SF3A3: variants seen among roughly 807,000 people sequenced by gnomAD.
SF3A3 encodes splicing factor 3a subunit 3.
SF3A3 carries 9 observed loss-of-function variants against 85.8 expected under a neutral mutation model. The observed-to-expected ratio is 0.10, with a 90% CI of 0.06 to 0.18. The LOEUF (loss-of-function observed/expected upper bound fraction) is 0.18, where lower values mean the gene tolerates loss of function less well. SF3A3 is among the 10% of genes least tolerant of loss of function. SF3A3 has a pLI of 1.00. For missense variants in SF3A3, 306 were observed against 593.3 expected (o/e 0.52, Z 5.03); for synonymous variants, 195 against 204.4 (o/e 0.95, Z 0.39).
intron 4 of SF3A3, 36 bp from the exon 5 acceptor site, chr1:37,984,815 T>C (rs1570470156): frequency 1.3e-6 from 2 of 1,574,854 alleles, no homozygotes; most frequent in Non-Finnish European, 1.7e-6. Context: ...TGGATTTTTC[T>C]TTTTGCTTTT....
At chr1:37,959,241 G>A (rs898654283) in intron 16 of SF3A3, among the ~76,000 whole-genome samples, 10 of 151,804 alleles carry the variant, frequency 6.6e-5, no homozygotes, top group African/African-American at 2.2e-4. Context: ...ACCACTCCCC[G>A]CTAATTATTG....
chr1:37,967,674 TCA>T (rs1646311872), intron 15 of SF3A3, among the ~76,000 whole-genome samples: 3 of 45,286 alleles, frequency 6.6e-5, no homozygotes, highest in Non-Finnish European at 3.8e-5. Flanking sequence ...TGAGACTCCG[TCA>T]CAAAAAAAAA....
chr1:37,989,397 C>T (rs1646478778), intron 2 of SF3A3, 151 bp downstream of exon 2: 1 of 675,704 alleles, frequency 1.5e-6, no homozygotes, highest in Non-Finnish European at 2.4e-6. Flanking sequence ...TCACGTTCGG[C>T]AGCCTGTGGA....
At chr1:37,973,854 G>A (rs1646360215) in intron 12 of SF3A3, among the ~76,000 whole-genome samples, 1 of 152,154 alleles carries the variant, frequency 6.6e-6, no homozygotes. Flanking sequence ...ATAATAGACT[G>A]GATTAAGAAA....
At chr1:37,988,871 GTGTGTGTGTA>G (rs1015611351) in intron 2 of SF3A3, among the ~76,000 whole-genome samples, 12 of 149,110 alleles carry the variant, frequency 8.0e-5, no homozygotes, top group African/African-American at 3.0e-4. Flanking sequence ...GTGTGTGTGT[GTGTGTGTGTA>G]TATATATATA....
chr1:37,986,027 C>A (rs1019804109), intron 4 of SF3A3, among the ~76,000 whole-genome samples: 1 of 146,042 alleles, frequency 6.8e-6, no homozygotes, highest in Admixed American at 7.2e-5. Context: ...CAGCTCACTG[C>A]AACCTCCATG....
chr1:37,975,619 T>C (rs1454330762), intron 12 of SF3A3, among the ~76,000 whole-genome samples: 1 of 152,086 alleles, frequency 6.6e-6, no homozygotes, highest in East Asian at 1.9e-4. Flanking sequence ...CTGTCCACAC[T>C]AGCACAGCCC....
rs148689440 is a variant in SF3A3 at position 37,978,891 on chromosome 1, C to T, written c.828-64G>A. On this transcript the variant is annotated intron_variant, in intron 10 of 16. Coordinates refer to ENST00000373019, the MANE Select transcript of SF3A3 (RefSeq NM_006802.4). Reference sequence around the variant, plus strand: ...TACCACACAGGCTGGCTTATTTTTGCAGTGTGGAGCAACAAAAAAAATGGA... The same window carrying T: ...TACCACACAGGCTGGCTTATTTTTGTAGTGTGGAGCAACAAAAAAAATGGA... 1.0e-2 allele frequency: 15,445 copies of T among 1,546,882 alleles called. 98 individuals are homozygous for T. The highest frequency in any genetic ancestry group is 0.012 in the Non-Finnish European group (13,495 of 1,122,460).
chr1:37,973,850 G>C (rs551256832), intron 12 of SF3A3, among the ~76,000 whole-genome samples: 1 of 152,278 alleles, frequency 6.6e-6, no homozygotes, highest in African/African-American at 2.4e-5. Flanking sequence ...ATCAATAATA[G>C]ACTGGATTAA....
rs1316029465 is a variant in SF3A3, at chr1:37,957,853, G to C, written c.*333C>G. 4.2e-6 allele frequency: 1 copy of C among 240,164 alleles called. No individual in the cohort carries two copies. The highest frequency in any genetic ancestry group is 8.0e-6 in the Non-Finnish European group (1 of 124,252). 14.9% of individuals were successfully genotyped at this position (240,164 alleles called of 1,614,324 possible). A position where few individuals can be genotyped will look rare whatever the true frequency, so the allele number is the denominator to read the frequency against. On this transcript the variant is annotated 3_prime_UTR_variant, in exon 17 of 17. Transcript: ENST00000373019. ...TCAGATTTACCTAACATGATATGTA[G>C]CATAATAGGTGCCCATTAAATCTCA...
chr1:37,987,963 A>C (rs531743335), intron 2 of SF3A3, 127 bp from the exon 3 acceptor site: 109 of 782,988 alleles, frequency 1.4e-4, no homozygotes, highest in Non-Finnish European at 2.2e-4. Flanking sequence ...GATAGTCTTA[A>C]CAGTTCTGTG....
At chr1:37,976,829 C>A in intron 12 of SF3A3, 55 bp downstream of exon 12, 7 of 1,087,004 alleles carry the variant, frequency 6.4e-6, no homozygotes, top group Non-Finnish European at 9.9e-6. Flanking sequence ...GAGTTCCTCT[C>A]CCTTTAACTC....
rs1188470871 is a variant in SF3A3 at position 37,989,576 on chromosome 1, G to C, written c.116C>G (p.Ser39Cys). The change falls in exon 2 of 17, where the codon TCT becomes TGT. Residue 39 changes from serine (S) to cysteine (C), a missense_variant. Transcript: ENST00000373019. ...TTGCATGGCCCGAGTGCGGTGATCAGAATTGATCTGGTCCCGGAGCTGAAA... is the reference window on the plus strand; with the variant it reads ...TTGCATGGCCCGAGTGCGGTGATCACAATTGATCTGGTCCCGGAGCTGAAA... ...KKSTLRDQINSDHRTRAMQDR... is the reference protein window; with the variant it reads ...KKSTLRDQINCDHRTRAMQDR... The C allele has an allele frequency of 5.0e-6, 8 of 1,613,990 alleles. No individual in the cohort carries two copies. The highest frequency in any genetic ancestry group is 1.3e-5 in the African/African-American group (1 of 74,932).
chr1:37,987,756 T>G, intron 3 of SF3A3, 28 bp downstream of exon 3: 1 of 1,609,126 alleles, frequency 6.2e-7, no homozygotes, highest in Middle Eastern at 1.7e-4. Flanking sequence ...AAGCACTAAC[T>G]CCTGGATTAG....
At chr1:37,966,873 T>C (rs187457247) in intron 15 of SF3A3, among the ~76,000 whole-genome samples, 69 of 118,022 alleles carry the variant, frequency 5.8e-4, no homozygotes, top group Admixed American at 2.6e-3. Flanking sequence ...AGGCACAGGT[T>C]GCAGTGAGCC....
At chr1:37,978,338 A>T (rs74819523) in intron 11 of SF3A3, among the ~76,000 whole-genome samples, 1 of 146,152 alleles carries the variant, frequency 6.8e-6, no homozygotes, top group Admixed American at 6.8e-5. Context: ...GACTGTCTCA[A>T]AAAAAAAAAA....
chr1:37,961,914 C>T (rs1646262502), intron 15 of SF3A3, among the ~76,000 whole-genome samples: 1 of 150,826 alleles, frequency 6.6e-6, no homozygotes, highest in East Asian at 2.0e-4. Context: ...GGAGAAACCC[C>T]ATCTCTACTA....
chr1:37,988,899 T>A lies in SF3A3; in HGVS notation c.144+649A>T, dbSNP rs113739999. Among the ~76,000 whole-genome samples, 1,055 of 147,148 alleles carry A rather than the reference T, an allele frequency of 7.2e-3. 9 individuals are homozygous for A. Among genetic ancestry groups the A allele is most frequent in the East Asian group, 0.024 (101 of 4,272 alleles). On this transcript the variant is annotated intron_variant, in intron 2 of 16. Coordinates refer to ENST00000373019, the MANE Select transcript of SF3A3 (RefSeq NM_006802.4). ...TGTGTGTATATATATATATATATTT[T>A]TTTTTTCATTTAAGGGAAGGATTGT...
chr1:37,970,238 G>A (rs1181913142), intron 12 of SF3A3, among the ~76,000 whole-genome samples: 1 of 151,058 alleles, frequency 6.6e-6, no homozygotes, highest in South Asian at 2.1e-4. Flanking sequence ...CCAGGAGTTT[G>A]AGGATGCAGT....
Sources: allele counts gnomAD v4.1 joint callset (sites outside exome capture counted in the v4.1 genomes callset), GRCh38; gene constraint gnomAD v4.1.1; transcripts MANE v1.5; gene names NCBI Gene and HGNC (gene_info 2026-07-23, HGNC 2026-07-21).